FRAS1: variants seen among roughly 807,000 people sequenced by gnomAD.
The protein encoded by FRAS1 is extracellular matrix organizing protein FRAS1.
Under a neutral mutation model 435.2 loss-of-function variants are expected in FRAS1, and 290 were observed. The observed-to-expected ratio is 0.67, with a 90% CI of 0.61 to 0.73. The LOEUF (loss-of-function observed/expected upper bound fraction) is 0.73, where lower values mean the gene tolerates loss of function less well. Among genes scored for constraint, FRAS1 ranks in the 30% least tolerant of loss-of-function variants. The probability of loss-of-function intolerance (pLI) is 0.00; values close to 1 mark genes in which losing one functional copy is unlikely to be tolerated. For synonymous variants in FRAS1, 1,800 were observed against 1,851.0 expected, an observed-to-expected ratio of 0.97 and a Z score of 0.71; for missense variants, 4,860 against 5,001.5, an observed-to-expected ratio of 0.97 and a Z score of 0.85.
chr4:78,253,891 GTA>G (rs1725665472), intron 5 of FRAS1, among the ~76,000 whole-genome samples: 1 of 150,404 alleles, frequency 6.6e-6, no homozygotes, highest in Admixed American at 6.7e-5. Flanking sequence ...CTCTGTCTGT[GTA>G]GTATCATCAA....
intron 47 of FRAS1, among the ~76,000 whole-genome samples, chr4:78,458,768 A>G (rs910578186): frequency 6.6e-6 from 1 of 152,220 alleles, no homozygotes; most frequent in Non-Finnish European, 1.5e-5. Context: ...CACAGATTGA[A>G]TAAGATCAAA....
At chr4:78,301,368 T>C (rs1728383772) in intron 14 of FRAS1, among the ~76,000 whole-genome samples, 2 of 141,452 alleles carry the variant, frequency 1.4e-5, no homozygotes, top group Non-Finnish European at 1.6e-5. Flanking sequence ...AAGAGTGAGC[T>C]TGAAGAGTAA....
chr4:78,080,905 G>C (rs1269605134), intron 2 of FRAS1, among the ~76,000 whole-genome samples: 1 of 152,174 alleles, frequency 6.6e-6, no homozygotes, highest in Non-Finnish European at 1.5e-5. Flanking sequence ...GGATGTGCAG[G>C]CAAGTGGAGA....
Position 78,400,873 on chromosome 4 carries a change from A to G in FRAS1, c.4115A>G (p.Asp1372Gly), listed in dbSNP as rs1023792100. Residue 1372 changes from aspartate (D) to glycine (G), a missense_variant, in exon 30 of 74, where the codon GAC becomes GGC. Asp to Gly is a moderately conservative substitution (Grantham distance 94, BLOSUM62 -1). Transcript: ENST00000512123. ...AEEIIYKITQ[D>G]YPQFGEVVLL... ...GAAATCATCTACAAGATTACACAAG[A>G]CTACCCCCAGTTTGGTAACTATTTT... The G allele has an allele frequency of 1.2e-6, 2 of 1,613,616 alleles. No homozygotes were observed. The highest frequency in any genetic ancestry group is 1.7e-5 in the Admixed American group (1 of 59,982).
In FRAS1 at chr4:78,363,939, C is replaced by A. The variant is rs556525948; in HGVS notation, c.2607C>A (p.Gly869=). The A allele has an allele frequency of 6.2e-7, 1 of 1,613,394 alleles. No individual in the cohort carries two copies. The highest frequency in any genetic ancestry group is 1.3e-5 in the African/African-American group (1 of 75,042). ...ACTCCTCCTGCAGAACCTGCCAGGG[C>A]AGAGGACCTTTCTCCTGCTCCTCAT... ...KCHSSCRTCQ[G]RGPFSCSSCD... Residue 869 remains glycine, a synonymous_variant, in exon 22 of 74, where the codon GGC becomes GGA. Coordinates refer to ENST00000512123, the MANE Select transcript of FRAS1 (RefSeq NM_025074.7).
chr4:78,534,537 GAGA>G lies in FRAS1; in HGVS notation c.11017_11019del (p.Lys3673del). ...CACTGAATTTCAGCTCTGCAATAAT[GAGA>G]AGGTGTTCCTAATGGATCCCAATAC... On this transcript the variant is annotated inframe_deletion, in exon 71 of 74. Transcript: ENST00000512123. The G allele has an allele frequency of 6.2e-7, 1 of 1,613,680 alleles. No homozygotes were observed. Among genetic ancestry groups the G allele is most frequent in the Non-Finnish European group, 8.5e-7 (1 of 1,179,630 alleles).
intron 52 of FRAS1, 143 bp downstream of exon 52, chr4:78,472,473 C>A: frequency 3.4e-6 from 2 of 596,814 alleles, no homozygotes; most frequent in Non-Finnish European, 5.2e-6. Flanking sequence ...CTTAACCATC[C>A]AACTTAAGAA....
chr4:78,311,612 C>G (rs1366967312), intron 15 of FRAS1, among the ~76,000 whole-genome samples: 3 of 152,196 alleles, frequency 2.0e-5, no homozygotes, highest in African/African-American at 7.2e-5. Context: ...GGTTTTTTGA[C>G]TCTGCATATT....
chr4:78,336,922 C>A (rs1396027515), intron 19 of FRAS1, among the ~76,000 whole-genome samples: 6 of 152,146 alleles, frequency 3.9e-5, no homozygotes, highest in Non-Finnish European at 5.9e-5. Context: ...CAGCTGCAGC[C>A]GCCTCTGATT....
chr4:78,223,093 A>G (rs563835039), intron 2 of FRAS1, among the ~76,000 whole-genome samples: 27 of 152,282 alleles, frequency 1.8e-4, no homozygotes, highest in African/African-American at 6.3e-4. Context: ...GTTGTTAGAG[A>G]ATACAACCGG....
chr4:78,464,011 C>T lies in FRAS1; in HGVS notation c.6764-10C>T. On this transcript the variant is annotated splice_polypyrimidine_tract_variant and intron_variant, in intron 47 of 73. Coordinates refer to ENST00000512123, the MANE Select transcript of FRAS1 (RefSeq NM_025074.7). The stretch of plus-strand genomic sequence containing the variant: ...ATCCTGTCTCTGTTTCTCTTTTCCC[C>T]TTTTTCTAGGTATCCAGATTAGTTC... 3 of 1,612,534 alleles carry T rather than the reference C, an allele frequency of 1.9e-6. No homozygotes were observed. Among genetic ancestry groups the T allele is most frequent in the Non-Finnish European group, 2.5e-6 (3 of 1,179,714 alleles).
At chr4:78,343,592 C>A (rs1410589843) in intron 20 of FRAS1, among the ~76,000 whole-genome samples, 1 of 152,168 alleles carries the variant, frequency 6.6e-6, no homozygotes, top group Admixed American at 6.5e-5. Context: ...CTTTTGAGTC[C>A]TTTCCATGAT....
At chr4:78,253,573 C>A (rs73827912) in intron 5 of FRAS1, among the ~76,000 whole-genome samples, 3,877 of 152,258 alleles carry the variant, frequency 0.025, 167 homozygotes, top group African/African-American at 0.087. Context: ...CTTCCCGCAA[C>A]ACATGGCGAC....
chr4:78,202,852 T>A (rs1000191474), intron 2 of FRAS1, among the ~76,000 whole-genome samples: 5 of 152,258 alleles, frequency 3.3e-5, no homozygotes, highest in African/African-American at 1.2e-4. Flanking sequence ...ATGCACTGAC[T>A]GGCCCTGTGG....
At chr4:78,173,093 C>T (rs1721626398) in intron 2 of FRAS1, among the ~76,000 whole-genome samples, 1 of 152,214 alleles carries the variant, frequency 6.6e-6, no homozygotes, top group Non-Finnish European at 1.5e-5. Context: ...TACAACTCTG[C>T]TCAGTTTCTG....
In FRAS1 at chr4:78,432,360, A is replaced by T. The variant is rs369953023; in HGVS notation, c.4973A>T (p.Asp1658Val). ...AEFRRPMATG[D>V]TFTYEDVEKN... ...CAATTTGTTTTATTCTTGGAAGGTG[A>T]CACTTTCACCTATGAGGATGTTGAG... Residue 1658 changes from aspartate (D) to valine (V), a missense_variant, in exon 38 of 74, where the codon GAC becomes GTC. Transcript: ENST00000512123. 6.3e-7 allele frequency: 1 copy of T among 1,592,572 alleles called. No homozygotes were observed. The highest frequency in any genetic ancestry group is 8.6e-7 in the Non-Finnish European group (1 of 1,167,492).
chr4:78,401,725 A>G (rs1339868801), intron 30 of FRAS1, among the ~76,000 whole-genome samples: 3 of 144,320 alleles, frequency 2.1e-5, no homozygotes, highest in Non-Finnish European at 4.6e-5. Context: ...GTCAGAGTAG[A>G]AAAAAAAAAA....
In FRAS1 at chr4:78,318,836, A is replaced by G. The variant is rs768298921; in HGVS notation, c.1987A>G (p.Met663Val). The G allele has an allele frequency of 2.5e-6, 4 of 1,598,344 alleles. No individual in the cohort carries two copies. The highest frequency in any genetic ancestry group is 3.4e-6 in the Non-Finnish European group (4 of 1,171,170). The stretch of plus-strand genomic sequence containing the variant: ...CTGTCACTCCTCCTGCCTGGCTTGT[A>G]TGGGTCCCGCACCCTCTCACTGTAC... The part of the protein sequence containing the change: ...KACHSSCLAC[M>V]GPAPSHCTGC... The change falls in exon 18 of 74, where the codon ATG becomes GTG. Residue 663 changes from methionine (M) to valine (V), a missense_variant. Physicochemically the swap from Met to Val is conservative, Grantham distance 21 (BLOSUM62 1). Coordinates refer to ENST00000512123, the MANE Select transcript of FRAS1 (RefSeq NM_025074.7).
intron 5 of FRAS1, among the ~76,000 whole-genome samples, chr4:78,252,954 A>G (rs1281433874): frequency 2.0e-5 from 3 of 152,164 alleles, no homozygotes. Flanking sequence ...AACGGAAAAC[A>G]GGGTTTGAGA....
Sources: allele counts gnomAD v4.1 joint callset (sites outside exome capture counted in the v4.1 genomes callset), GRCh38; gene constraint gnomAD v4.1.1; transcripts MANE v1.5; gene names NCBI Gene and HGNC (gene_info 2026-07-23, HGNC 2026-07-21).